The following PPP2R3C variants were observed in gnomAD, a reference collection of about 807,000 sequenced individuals.
PPP2R3C encodes protein phosphatase 2 regulatory subunit B''gamma, also known as serine/threonine-protein phosphatase 2A regulatory subunit B'' subunit gamma.
A neutral mutation model predicts 63.7 loss-of-function variants in PPP2R3C; 47 were observed. The ratio of observed to expected loss-of-function variants is 0.74; its 90% CI spans 0.58 to 0.94. The LOEUF (loss-of-function observed/expected upper bound fraction) is 0.94. Ranked by LOEUF, PPP2R3C falls within the 40% of genes least tolerant of loss-of-function variation. The pLI is 0.00. For synonymous variants in PPP2R3C, 180 were observed against 177.4 expected (o/e 1.01, Z -0.12); for missense variants, 421 against 518.4 (o/e 0.81, Z 1.82).
In PPP2R3C at chr14:35,096,611, T is replaced by C; in HGVS notation, c.785A>G (p.Lys262Arg). 1 of 1,613,844 alleles carries C rather than the reference T, an allele frequency of 6.2e-7. No homozygotes were observed. The change falls in exon 9 of 13, where the codon AAG becomes AGG. Residue 262 changes from lysine (K) to arginine (R), a missense_variant. Physicochemically the swap from Lys to Arg is conservative, Grantham distance 26 (BLOSUM62 2). Around this residue, in one of 3 missense-constraint regions of PPP2R3C, gnomAD observed 231 missense variants for 264.8 expected, o/e 0.87. Transcript: ENST00000261475. ...LLELRDEELS[K>R]ESQETNWFSA... Reference sequence around the variant, plus strand: ...AAACCAATTTGTTTCTTGACTCTCCTTGGACAGTTCCTCATCCCTTAGCTA... The same window carrying C: ...AAACCAATTTGTTTCTTGACTCTCCCTGGACAGTTCCTCATCCCTTAGCTA...
chr14:35,092,448 T>A (rs956997217), intron 10 of PPP2R3C, among the ~76,000 whole-genome samples: 1 of 152,118 alleles, frequency 6.6e-6, no homozygotes, highest in African/African-American at 2.4e-5. Flanking sequence ...ACAAATTTTT[T>A]ATCTGGAATG....
At chr14:35,102,025 C>CTTTT (rs1555313535) in intron 6 of PPP2R3C, 2 of 138,984 alleles carry the variant, frequency 1.4e-5, no homozygotes, top group African/African-American at 5.6e-5. Context: ...TGGTTTCTCT[C>CTTTT]TCTCTTTTTT....
chr14:35,096,940 C>T (rs1312588217), intron 7 of PPP2R3C, among the ~76,000 whole-genome samples, 176 bp from the exon 8 acceptor site: 4 of 152,132 alleles, frequency 2.6e-5, no homozygotes, highest in South Asian at 2.1e-4. Flanking sequence ...CTCGGCTGGG[C>T]GCGGTGGCTC....
intron 2 of PPP2R3C, chr14:35,112,752 T>G (rs563255703): frequency 6.6e-6 from 1 of 152,196 alleles, no homozygotes; most frequent in Non-Finnish European, 1.5e-5. Context: ...AGAAACATTT[T>G]GCAACCTATT....
intron 10 of PPP2R3C, 85 bp from the exon 11 acceptor site, chr14:35,091,292 C>G (rs965880389): frequency 1.5e-6 from 2 of 1,301,764 alleles, no homozygotes; most frequent in African/African-American, 3.0e-5. Flanking sequence ...AGCTATTTTG[C>G]AATCAAAGGT....
At chr14:35,100,272 T>TA (rs2046143090) in intron 6 of PPP2R3C, 1 of 152,200 alleles carries the variant, frequency 6.6e-6, no homozygotes, top group Non-Finnish European at 1.5e-5. Context: ...CCATAAGGGC[T>TA]AAGCTAATTA....
intron 4 of PPP2R3C, among the ~76,000 whole-genome samples, 175 bp downstream of exon 4, chr14:35,109,644 C>T (rs1223185141): frequency 2.0e-5 from 3 of 151,730 alleles, no homozygotes; most frequent in African/African-American, 7.3e-5. Flanking sequence ...TTAGTAGAGA[C>T]AAGATCTCCC....
At chr14:35,121,246 G>A (rs72664833) in intron 1 of PPP2R3C, among the ~76,000 whole-genome samples, 3,967 of 152,142 alleles carry the variant, frequency 0.026, 79 homozygotes, top group Non-Finnish European at 0.034. Context: ...CCGTGGTTGC[G>A]CGCGCTTATA....
At chr14:35,090,743 T>C (rs1039964440) in intron 11 of PPP2R3C, among the ~76,000 whole-genome samples, 1 of 129,948 alleles carries the variant, frequency 7.7e-6, no homozygotes, top group Non-Finnish European at 1.6e-5. Flanking sequence ...TGAGACGGAG[T>C]CTCGCTCTGT....
chr14:35,099,716 C>A, intron 6 of PPP2R3C: 1 of 210,122 alleles, frequency 4.8e-6, no homozygotes, highest in Non-Finnish European at 9.2e-6. Flanking sequence ...CAAATATGAA[C>A]CAATACATAT....
chr14:35,091,384 G>A (rs755828076), intron 10 of PPP2R3C, among the ~76,000 whole-genome samples, 177 bp from the exon 11 acceptor site: 2 of 151,840 alleles, frequency 1.3e-5, no homozygotes, highest in African/African-American at 2.4e-5. Context: ...AATTTTTTTC[G>A]AGACAGAGTT....
In PPP2R3C at chr14:35,091,107, C is replaced by A. The variant is rs1334457372; in HGVS notation, c.1076G>T (p.Gly359Val). Residue 359 changes from glycine (G) to valine (V), a missense_variant, in exon 11 of 13, where the codon GGA becomes GTA. Gly to Val is a moderately radical substitution (Grantham distance 109). This residue lies in a region of PPP2R3C where 231 missense variants were observed against 264.8 expected (regional missense o/e 0.87). Coordinates refer to ENST00000261475, the MANE Select transcript of PPP2R3C (RefSeq NM_017917.4). ...IFKLLDIENKGYLNVFSLNYF... is the reference protein window; with the variant it reads ...IFKLLDIENKVYLNVFSLNYF... ...ATTAAGTGAAAAGACATTCAGGTATCCTTTGTTCTCAATATCAAGCAGTTT... is the reference window on the plus strand; with the variant it reads ...ATTAAGTGAAAAGACATTCAGGTATACTTTGTTCTCAATATCAAGCAGTTT... 6.2e-7 allele frequency: 1 copy of A among 1,607,066 alleles called. No individual in the cohort carries two copies. The highest frequency in any genetic ancestry group is 8.5e-7 in the Non-Finnish European group (1 of 1,175,496).
chr14:35,121,590 G>A (rs2046896211), intron 1 of PPP2R3C, among the ~76,000 whole-genome samples: 1 of 152,200 alleles, frequency 6.6e-6, no homozygotes. Context: ...AAGGCAGGAG[G>A]ACAATTATAG....
In PPP2R3C at chr14:35,085,772, T is replaced by C; in HGVS notation, c.1180A>G (p.Ile394Val). The C allele has an allele frequency of 3.8e-6, 6 of 1,599,822 alleles. No individual in the cohort carries two copies. The highest frequency in any genetic ancestry group is 5.1e-6 in the Non-Finnish European group (6 of 1,172,870). The change falls in exon 13 of 13, where the codon ATC becomes GTC. Residue 394 changes from isoleucine (I) to valine (V), a missense_variant. Ile to Val is a conservative substitution (Grantham distance 29). Coordinates refer to ENST00000261475, the MANE Select transcript of PPP2R3C (RefSeq NM_017917.4). The stretch of plus-strand genomic sequence containing the variant: ...TCCTTTGGTTTTACCATGTCAAAGA[T>C]TTCATCCTGCAAGAGAAAAAAAAAT... ...PVSFQDVKDE[I>V]FDMVKPKDPL... is the part of the protein sequence containing the mutation.
At position 35,092,407 on chromosome 14, in the gene PPP2R3C, T is replaced by A. The variant is rs116812220; in HGVS notation, c.976-1200A>T. ...AACAGATGACTAAGCTATAAACTTA[T>A]AACTTCATTTCAGTGCAGTTATTTT... On this transcript the variant is annotated intron_variant, in intron 10 of 12. Transcript: ENST00000261475. Among the ~76,000 whole-genome samples, 775 of 152,182 alleles carry A rather than the reference T, an allele frequency of 5.1e-3. 7 individuals are homozygous for A. Among genetic ancestry groups the A allele is most frequent in the African/African-American group, 0.018 (750 of 41,444 alleles).
At chr14:35,101,908 T>A (rs1377691364) in intron 6 of PPP2R3C, 1 of 152,142 alleles carries the variant, frequency 6.6e-6, no homozygotes, top group Non-Finnish European at 1.5e-5. Flanking sequence ...CTTTGCCCTA[T>A]AGATCTTTAA....
chr14:35,116,623 CG>C lies in PPP2R3C; in HGVS notation c.172del (p.Arg58GlyfsTer17). On this transcript the variant is annotated frameshift_variant, in exon 2 of 13. Coordinates refer to ENST00000261475, the MANE Select transcript of PPP2R3C (RefSeq NM_017917.4). LOFTEE classifies it high-confidence loss of function. ...GACACTACTTACCCTATAATAAAAC[CG>C]GGGAATGGTCTTATAGAATTCATTT... The part of the protein sequence containing the change: ...NTNEFYKTIP[R>X]FYYRLPAEDE... The C allele has an allele frequency of 6.3e-7, 1 of 1,589,530 alleles. No individual in the cohort carries two copies. Among genetic ancestry groups the C allele is most frequent in the Non-Finnish European group, 8.6e-7 (1 of 1,167,238 alleles).
chr14:35,117,293 C>T (rs2046737569), intron 1 of PPP2R3C: 2 of 395,648 alleles, frequency 5.1e-6, no homozygotes, highest in Non-Finnish European at 1.0e-5. Flanking sequence ...TCAGCCAATT[C>T]CTCCCCACTT....
In PPP2R3C at chr14:35,096,548, A is replaced by G; in HGVS notation, c.838+10T>C. The G allele has an allele frequency of 6.2e-7, 1 of 1,606,544 alleles. No homozygotes were observed. Among genetic ancestry groups the G allele is most frequent in the Non-Finnish European group, 8.5e-7 (1 of 1,174,308 alleles). On this transcript the variant is annotated intron_variant, in intron 9 of 12. Transcript: ENST00000261475. The stretch of plus-strand genomic sequence containing the variant: ...ATAATTCAAATTTTAGCATTATGAT[A>G]GGAACATACCATAAACTCTTAGGGC...
Sources: gnomAD v4.1 joint callset for allele counts (sites outside exome capture counted in the v4.1 genomes callset) on GRCh38, gnomAD v4.1.1 for gene constraint, gnomAD v4.1.1 regional missense constraint, MANE v1.5 for transcripts, NCBI Gene and HGNC (gene_info 2026-07-23, HGNC 2026-07-21) for gene names.